The following TRPC4 variants were observed in gnomAD, a reference collection of about 807,000 sequenced individuals.
TRPC4 encodes the protein transient receptor potential cation channel subfamily C member 4, also known as short transient receptor potential channel 4.
A neutral mutation model predicts 99.4 loss-of-function variants in TRPC4; 49 were observed. That is an observed-to-expected ratio of 0.49 (90% CI 0.39 to 0.63). TRPC4 has a LOEUF of 0.63. Among genes scored for constraint, TRPC4 ranks in the 20% least tolerant of loss-of-function variants. The probability of loss-of-function intolerance (pLI) is 0.00; values close to 1 mark genes in which losing one functional copy is unlikely to be tolerated. For missense variants in TRPC4, 898 were observed against 1,152.9 expected, an observed-to-expected ratio of 0.78 and a Z score of 3.20; for synonymous variants, 454 against 425.9, an observed-to-expected ratio of 1.07 and a Z score of -0.81.
At chr13:37,829,406 T>G (rs962692835) in intron 1 of TRPC4, among the ~76,000 whole-genome samples, 4 of 152,016 alleles carry the variant, frequency 2.6e-5, no homozygotes, top group African/African-American at 7.2e-5. Flanking sequence ...AAAACCACAA[T>G]GAGATACCAC....
intron 4 of TRPC4, among the ~76,000 whole-genome samples, chr13:37,676,580 C>T (rs895307570): frequency 1.3e-5 from 2 of 151,944 alleles, no homozygotes; most frequent in East Asian, 1.9e-4. Flanking sequence ...ATCATGTTGG[C>T]CAGGATGGTC....
At chr13:37,731,008 A>C (rs1955221632) in intron 3 of TRPC4, among the ~76,000 whole-genome samples, 1 of 152,058 alleles carries the variant, frequency 6.6e-6, no homozygotes, top group African/African-American at 2.4e-5. Context: ...CCAGATGTCA[A>C]AGTATAATAA....
At chr13:37,718,656 T>A (rs1954757025) in intron 3 of TRPC4, among the ~76,000 whole-genome samples, 1 of 151,704 alleles carries the variant, frequency 6.6e-6, no homozygotes, top group Non-Finnish European at 1.5e-5. Context: ...CTGAATGAGC[T>A]TAACAGCAGA....
intron 3 of TRPC4, among the ~76,000 whole-genome samples, chr13:37,745,458 A>ATATATATATATGAG: frequency 1.5e-4 from 1 of 6,590 alleles, no homozygotes; most frequent in African/African-American, 3.9e-4. Context: ...ATATATATAT[A>ATATATATATATGAG]TATATATATA....
intron 5 of TRPC4, 148 bp from the exon 6 acceptor site, chr13:37,663,877 G>T: frequency 1.5e-6 from 1 of 676,150 alleles, no homozygotes; most frequent in Non-Finnish European, 2.5e-6. Flanking sequence ...GCCAATTCTA[G>T]AGGAACACAT....
In TRPC4 at chr13:37,746,379, G is replaced by C; in HGVS notation, c.455C>G (p.Thr152Arg). Residue 152 changes from threonine to arginine, a missense_variant, in exon 3 of 11, where the codon ACA becomes AGA. Transcript: ENST00000379705. ...DITPIILAAH[T>R]NNYEIIKLLV... ...GAGTTTTATTATCTCATAATTATTT[G>C]TATGGGCTGCCAAAATGATTGGTGT... 1 of 1,613,158 alleles carries C rather than the reference G, an allele frequency of 6.2e-7. No homozygotes were observed. The highest frequency in any genetic ancestry group is 1.1e-5 in the South Asian group (1 of 91,050).
rs549240071 is a variant in TRPC4, at chr13:37,835,334, A to G, written c.-28+34261T>C. ...GACCTATGAATGTCCAGTGTCCTCC[A>G]TTCACAGCCATTTCTCTCTCTGGTA... On this transcript the variant is annotated intron_variant, in intron 1 of 10. Coordinates refer to ENST00000379705, the MANE Select transcript of TRPC4 (RefSeq NM_016179.4). Among the ~76,000 whole-genome samples the G allele has an allele frequency of 7.9e-5, 12 of 152,228 alleles. No homozygotes were observed. In the East Asian group the frequency reaches 2.1e-3, roughly 27 times the overall value.
chr13:37,635,222 A>G lies in TRPC4; in HGVS notation c.*1681T>C, dbSNP rs536465073. ...TGTAACCCCTGTATATGCATGTTTTATAACTTGCTCTTTTTATGTTCTGAA... is the reference window on the plus strand; with the variant it reads ...TGTAACCCCTGTATATGCATGTTTTGTAACTTGCTCTTTTTATGTTCTGAA... On this transcript the variant is annotated 3_prime_UTR_variant, in exon 11 of 11. Transcript: ENST00000379705. 2.2e-4 allele frequency among the ~76,000 whole-genome samples: 34 copies of G among 152,130 alleles called. No individual in the cohort carries two copies. The highest frequency in any genetic ancestry group is 5.0e-4 in the Non-Finnish European group (34 of 68,002).
At chr13:37,726,667 G>A (rs1461092200) in intron 3 of TRPC4, among the ~76,000 whole-genome samples, 1 of 152,016 alleles carries the variant, frequency 6.6e-6, no homozygotes, top group Non-Finnish European at 1.5e-5. Context: ...AGGAATTGAC[G>A]GAATGAATAA....
rs149516377 is a variant in TRPC4, at chr13:37,791,002, T to A, written c.-27-7642A>T. Among the ~76,000 whole-genome samples the A allele has an allele frequency of 8.6e-3, 1,302 of 152,246 alleles. 20 individuals carry two copies. The highest frequency in any genetic ancestry group is 0.029 in the African/African-American group (1,223 of 41,548). On this transcript the variant is annotated intron_variant, in intron 1 of 10. Coordinates refer to ENST00000379705, the MANE Select transcript of TRPC4 (RefSeq NM_016179.4). Reference sequence around the variant, plus strand: ...AATTTTATATCTTATTAAAATTATTTAAATGCAGGAAGGAATAACATTAGT... The same window carrying A: ...AATTTTATATCTTATTAAAATTATTAAAATGCAGGAAGGAATAACATTAGT...
At chr13:37,830,508 A>G (rs913018480) in intron 1 of TRPC4, among the ~76,000 whole-genome samples, 14 of 151,762 alleles carry the variant, frequency 9.2e-5, no homozygotes, top group South Asian at 4.1e-4. Context: ...CAGGAGTTCA[A>G]TCAAGACCAG....
At chr13:37,835,281 C>T (rs1958535924) in intron 1 of TRPC4, among the ~76,000 whole-genome samples, 1 of 152,114 alleles carries the variant, frequency 6.6e-6, no homozygotes, top group Non-Finnish European at 1.5e-5. Flanking sequence ...ACTACTTCCT[C>T]CTTCTGAGGG....
In TRPC4 at chr13:37,797,013, A is replaced by G. The variant is rs77455882; in HGVS notation, c.-27-13653T>C. On this transcript the variant is annotated intron_variant, in intron 1 of 10. Transcript: ENST00000379705. ...GTAAAGTAAAGTAAAGTAAAATAAAATAAAATACAAGTAAGAATTAGCTGG... is the reference window on the plus strand; with the variant it reads ...GTAAAGTAAAGTAAAGTAAAATAAAGTAAAATACAAGTAAGAATTAGCTGG... 1.8e-3 allele frequency among the ~76,000 whole-genome samples: 144 copies of G among 80,218 alleles called. 1 individual carries two copies. Among genetic ancestry groups the G allele is most frequent in the Middle Eastern group, 7.7e-3 (1 of 130 alleles). 52.6% of individuals were successfully genotyped at this position (80,218 alleles called of 152,430 possible).
chr13:37,808,429 T>C (rs1195739368), intron 1 of TRPC4, among the ~76,000 whole-genome samples: 1 of 152,074 alleles, frequency 6.6e-6, no homozygotes, highest in African/African-American at 2.4e-5. Flanking sequence ...CTTAGAATTG[T>C]AGCTAAAAGT....
intron 3 of TRPC4, among the ~76,000 whole-genome samples, chr13:37,730,015 A>G (rs1443674031): frequency 6.6e-6 from 1 of 152,114 alleles, no homozygotes; most frequent in Non-Finnish European, 1.5e-5. Flanking sequence ...AAAAATTAAA[A>G]ACAGAACAAA....
At position 37,774,412 on chromosome 13, in the gene TRPC4, G is replaced by A. The variant is rs371301951; in HGVS notation, c.378+8544C>T. ...CATATTTAGAAATTGATTAAAAAAC[G>A]AGTGTATAAAACATAAATTGTGATA... On this transcript the variant is annotated intron_variant, in intron 2 of 10. Transcript: ENST00000379705. Among the ~76,000 whole-genome samples the A allele has an allele frequency of 4.3e-4, 66 of 151,856 alleles. No homozygotes were observed. The South Asian group carries it at 0.011, about 25-fold the overall frequency.
At chr13:37,745,436 G>GTATATA (rs1201385469) in intron 3 of TRPC4, among the ~76,000 whole-genome samples, 25 of 20,712 alleles carry the variant, frequency 1.2e-3, no homozygotes, top group African/African-American at 2.1e-3. Flanking sequence ...ATATATATGC[G>GTATATA]TATATATATA....
chr13:37,666,842 C>T (rs1952661007), intron 5 of TRPC4, among the ~76,000 whole-genome samples: 2 of 152,072 alleles, frequency 1.3e-5, no homozygotes, highest in South Asian at 2.1e-4. Context: ...TTCAAGCTTC[C>T]TCTCTTCTCA....
chr13:37,737,540 T>C (rs758755538), intron 3 of TRPC4, among the ~76,000 whole-genome samples: 3 of 152,128 alleles, frequency 2.0e-5, no homozygotes, highest in Admixed American at 1.3e-4. Flanking sequence ...TGGTACAATC[T>C]TGGCTCACTG....
Sources: gnomAD v4.1 joint callset for allele counts (sites outside exome capture counted in the v4.1 genomes callset) on GRCh38, gnomAD v4.1.1 for gene constraint, MANE v1.5 for transcripts, NCBI Gene and HGNC (gene_info 2026-07-23, HGNC 2026-07-21) for gene names.